Variants in PCDHGB1 observed in about 807,000 individuals in gnomAD.
PCDHGB1 encodes the protein protocadherin gamma subfamily B, 1, also known as protocadherin gamma-B1.
PCDHGB1 carries 34 observed loss-of-function variants against 56.6 expected under a neutral mutation model. That is an observed-to-expected ratio of 0.60 (90% CI 0.46 to 0.80). The LOEUF (loss-of-function observed/expected upper bound fraction) is 0.80, where lower values mean the gene tolerates loss of function less well. Ranked by LOEUF, PCDHGB1 falls within the 30% of genes least tolerant of loss-of-function variation. The pLI is 0.00. For missense variants in PCDHGB1, 1,278 were observed against 1,204.6 expected (o/e 1.06, Z -0.90); for synonymous variants, 561 against 505.9 (o/e 1.11, Z -1.46).
intron 1 of PCDHGB1, chr5:141,408,821 T>C (rs774934223): frequency 1.4e-5 from 23 of 1,613,250 alleles, no homozygotes; most frequent in African/African-American, 2.7e-5. Flanking sequence ...AGAACAGAGA[T>C]CTCATAGCTT....
intron 1 of PCDHGB1, chr5:141,374,146 G>A (rs770813485): frequency 5.0e-6 from 8 of 1,611,142 alleles, no homozygotes; most frequent in East Asian, 4.5e-5. Context: ...CGCTCCTGGG[G>A]ACGCTGTGGG....
chr5:141,442,052 G>T (rs2098295034), intron 1 of PCDHGB1: 1 of 197,576 alleles, frequency 5.1e-6, no homozygotes, highest in South Asian at 6.6e-5. Flanking sequence ...TACTGGTCGC[G>T]GTGCACTGCG....
rs1391017504 is a variant in PCDHGB1 at position 141,490,732 on chromosome 5, G to GTTCAGGGAGCCCCAGCCTCCTCCT, written c.2410-4072_2410-4049dup. 6.2e-7 allele frequency: 1 copy of GTTCAGGGAGCCCCAGCCTCCTCCT among 1,614,070 alleles called. No individual in the cohort carries two copies. Among genetic ancestry groups the GTTCAGGGAGCCCCAGCCTCCTCCT allele is most frequent in the Non-Finnish European group, 8.5e-7 (1 of 1,180,050 alleles). On this transcript the variant is annotated intron_variant, in intron 1 of 3. Coordinates refer to ENST00000523390, the MANE Select transcript of PCDHGB1 (RefSeq NM_018922.3). This position sits in a 1 kb window ranked among gnomAD's most constrained non-coding sequence, Gnocchi z 5.4. ...CACCTACTCCATTGTAGGAAATCAG[G>GTTCAGGGAGCCCCAGCCTCCTCCT]TTCAGGGAGCCCCAGCCTCCTCCTT...
At position 141,487,557 on chromosome 5, in the gene PCDHGB1, T is replaced by C. The variant is rs751511771; in HGVS notation, c.2410-7250T>C. On this transcript the variant is annotated intron_variant, in intron 1 of 3. Coordinates refer to ENST00000523390, the MANE Select transcript of PCDHGB1 (RefSeq NM_018922.3). The surrounding 1 kb of genome is among the most constrained non-coding windows in gnomAD (Gnocchi z 5.0). The stretch of plus-strand genomic sequence containing the variant: ...ATGGTGAAGTCACCCAGTGCACCTA[T>C]GGCAGGGGAGCCTGTTCGCCCAAGC... The C allele has an allele frequency of 1.9e-5, 31 of 1,614,060 alleles. No homozygotes were observed. In the East Asian group the frequency reaches 4.2e-4, roughly 22 times the overall value.
At chr5:141,364,210 C>T in intron 1 of PCDHGB1, 1 of 1,234,376 alleles carries the variant, frequency 8.1e-7, no homozygotes, top group East Asian at 2.6e-5. Flanking sequence ...AGACAAGCTC[C>T]TACGAAAAGC....
intron 1 of PCDHGB1, chr5:141,387,615 A>G: frequency 3.5e-6 from 2 of 564,798 alleles, no homozygotes; most frequent in South Asian, 2.4e-5. Flanking sequence ...GTAGTTTCCT[A>G]GTGCTGACTC....
intron 1 of PCDHGB1, among the ~76,000 whole-genome samples, chr5:141,469,808 A>C (rs1253675252): frequency 2.0e-5 from 3 of 152,174 alleles, no homozygotes; most frequent in Admixed American, 6.5e-5. Flanking sequence ...AAAACATTGT[A>C]GATAGAATGG....
chr5:141,481,895 A>G (rs1285005477), intron 1 of PCDHGB1, among the ~76,000 whole-genome samples: 2 of 147,522 alleles, frequency 1.4e-5, no homozygotes, highest in Non-Finnish European at 3.0e-5. Context: ...GCCTGGGTGA[A>G]AGAGCGAAAC....
chr5:141,385,537 T>C (rs1486400401), intron 1 of PCDHGB1: 7 of 1,341,300 alleles, frequency 5.2e-6, no homozygotes, highest in Non-Finnish European at 6.7e-6. Flanking sequence ...ATTATGAATA[T>C]GTGGACTATC....
At chr5:141,409,511 A>C in intron 1 of PCDHGB1, 1 of 1,614,018 alleles carries the variant, frequency 6.2e-7, no homozygotes, top group Non-Finnish European at 8.5e-7. Flanking sequence ...TTCCAGTAGA[A>C]GCATCACCTT....
chr5:141,389,644 C>T (rs2091854728), intron 1 of PCDHGB1: 1 of 1,612,926 alleles, frequency 6.2e-7, no homozygotes, highest in Admixed American at 1.7e-5. Context: ...TACTTGGTGA[C>T]CAAGGTAGTG....
At chr5:141,499,880 G>A (rs1177287013) in intron 2 of PCDHGB1, among the ~76,000 whole-genome samples, 1 of 151,886 alleles carries the variant, frequency 6.6e-6, no homozygotes, top group African/African-American at 2.4e-5. Flanking sequence ...TACAAACAGG[G>A]TTTCGCCATG....
intron 1 of PCDHGB1, chr5:141,404,679 A>G: frequency 6.2e-7 from 1 of 1,614,096 alleles, no homozygotes; most frequent in Admixed American, 1.7e-5. Flanking sequence ...ACTGGTGTGG[A>G]GCTGGCACCC....
intron 1 of PCDHGB1, chr5:141,379,315 A>T (rs1364362567): frequency 1.3e-5 from 2 of 152,242 alleles, no homozygotes; most frequent in Non-Finnish European, 2.9e-5. Context: ...TAAACAAGAG[A>T]TCTAATCATA....
intron 1 of PCDHGB1, among the ~76,000 whole-genome samples, chr5:141,472,122 G>A (rs898092092): frequency 6.6e-6 from 1 of 152,176 alleles, no homozygotes; most frequent in African/African-American, 2.4e-5. Flanking sequence ...GAAAATAAAA[G>A]AGAAGTTAAA....
intron 1 of PCDHGB1, among the ~76,000 whole-genome samples, chr5:141,435,605 C>T (rs776926758): frequency 1.1e-4 from 17 of 152,134 alleles, no homozygotes; most frequent in Non-Finnish European, 1.9e-4. Flanking sequence ...CTGCTTTTTA[C>T]ATTAAATTCC....
intron 1 of PCDHGB1, among the ~76,000 whole-genome samples, chr5:141,435,227 G>T (rs1461159947): frequency 1.3e-5 from 2 of 152,030 alleles, no homozygotes; most frequent in African/African-American, 4.8e-5. Context: ...TTCTTTCAAA[G>T]TTCAGTAATT....
intron 1 of PCDHGB1, among the ~76,000 whole-genome samples, chr5:141,443,035 CTT>C (rs2098359592): frequency 6.6e-6 from 1 of 152,208 alleles, no homozygotes; most frequent in African/African-American, 2.4e-5. Context: ...CAGACCTAAA[CTT>C]TGAAAATTAT....
intron 1 of PCDHGB1, among the ~76,000 whole-genome samples, chr5:141,474,243 G>GA (rs1161758975): frequency 2.6e-5 from 4 of 152,050 alleles, no homozygotes; most frequent in Admixed American, 1.3e-4. Context: ...CTGAATAGGG[G>GA]AAAAAAAGAC....
Sources: gnomAD v4.1 joint callset for allele counts (sites outside exome capture counted in the v4.1 genomes callset) on GRCh38, gnomAD v4.1.1 for gene constraint, Gnocchi (gnomAD v3.1) non-coding constraint, MANE v1.5 for transcripts, NCBI Gene and HGNC (gene_info 2026-07-23, HGNC 2026-07-21) for gene names.